The following SNED1 variants were observed in gnomAD, a reference collection of about 807,000 sequenced individuals.
The protein encoded by SNED1 is sushi, nidogen and EGF-like domain-containing protein 1.
In SNED1, 81 loss-of-function variants were observed where a neutral mutation model predicts 166.7. The ratio of observed to expected loss-of-function variants is 0.49; its 90% CI spans 0.41 to 0.58. SNED1 has a LOEUF of 0.58. Ranked by LOEUF, SNED1 falls within the 20% of genes least tolerant of loss-of-function variation. The probability of loss-of-function intolerance (pLI) is 0.00; values close to 1 mark genes in which losing one functional copy is unlikely to be tolerated. For missense variants in SNED1, 1,604 were observed against 2,000.2 expected, an observed-to-expected ratio of 0.80 and a Z score of 3.78; for synonymous variants, 762 against 822.0, an observed-to-expected ratio of 0.93 and a Z score of 1.25.
intron 3 of SNED1, among the ~76,000 whole-genome samples, 166 bp downstream of exon 3, chr2:241,034,041 C>G (rs1185218076): frequency 6.6e-6 from 1 of 152,204 alleles, no homozygotes; most frequent in African/African-American, 2.4e-5. Flanking sequence ...TCTCACTGCC[C>G]AAAAACAGAA....
chr2:241,076,810 G>T (rs1213124140), intron 27 of SNED1, among the ~76,000 whole-genome samples: 1 of 152,084 alleles, frequency 6.6e-6, no homozygotes, highest in African/African-American at 2.4e-5. Context: ...GAGAGTCCAG[G>T]GCCGGGCGCA....
rs1431655676 is a variant in SNED1, at chr2:241,016,540, G to T, written c.214-13744G>T. On this transcript the variant is annotated intron_variant, in intron 1 of 31. Transcript: ENST00000310397. ...TCTTTGTATATTGCTGAATCAGTTT[G>T]CTAATAATTCATTTAAGGTTTTAGC... 2.0e-5 allele frequency among the ~76,000 whole-genome samples: 3 copies of T among 152,244 alleles called. No homozygotes were observed. In the East Asian group the frequency reaches 5.8e-4, roughly 29 times the overall value.
intron 27 of SNED1, among the ~76,000 whole-genome samples, chr2:241,078,348 A>C (rs1475875447): frequency 6.7e-6 from 1 of 149,412 alleles, no homozygotes; most frequent in Non-Finnish European, 1.5e-5. Context: ...GCGCCACTGC[A>C]CTGCAGCCTG....
rs565240903 is a variant in SNED1, at chr2:241,007,305, C to T, written c.213+8255C>T. Among the ~76,000 whole-genome samples the T allele has an allele frequency of 1.2e-3, 188 of 152,354 alleles. 1 individual carries two copies. In the Middle Eastern group the frequency reaches 0.02, roughly 17 times the overall value. ...CAGAGAAGTGGCCAGCCGGCCAAAC[C>T]GCGTTCTCCCAGGCAGCTCCCCACA... On this transcript the variant is annotated intron_variant, in intron 1 of 31. Coordinates refer to ENST00000310397, the MANE Select transcript of SNED1 (RefSeq NM_001080437.3).
intron 18 of SNED1, 23 bp from the exon 19 acceptor site, chr2:241,063,988 GC>G: frequency 1.3e-6 from 2 of 1,518,418 alleles, no homozygotes; most frequent in Non-Finnish European, 8.9e-7. Context: ...TGCAGCTTGG[GC>G]CCACTCTCTG....
intron 6 of SNED1, 138 bp downstream of exon 6, chr2:241,037,491 G>A (rs1041777212): frequency 2.9e-5 from 18 of 630,108 alleles, no homozygotes; most frequent in Non-Finnish European, 4.2e-5. Context: ...AGCCACCCTC[G>A]AGGAGTGGAG....
intron 1 of SNED1, chr2:241,010,509 C>CAAGTCACT (rs2060358149): frequency 6.6e-6 from 1 of 152,534 alleles, no homozygotes; most frequent in Admixed American, 6.5e-5. Context: ...TCCAAGTCCC[C>CAAGTCACT]AAGTCACTGC....
rs1559296412 is a variant in SNED1 at position 241,071,811 on chromosome 2, G to A, written c.3750G>A (p.Val1250=). The change falls in exon 26 of 32, where the codon GTG becomes GTA. Residue 1250 remains valine, a synonymous_variant. Transcript: ENST00000310397. ...PTQPPRFSEL[V]DGRGRVSARF... is the part of the protein sequence containing the mutation. ...CTCTCTGCAGGTTCTCGGAGCTTGTGGACGGCAGAGGAAGAGTGAGCGCCA... is the reference window on the plus strand; with the variant it reads ...CTCTCTGCAGGTTCTCGGAGCTTGTAGACGGCAGAGGAAGAGTGAGCGCCA... 6.3e-7 allele frequency: 1 copy of A among 1,599,318 alleles called. No homozygotes were observed. The highest frequency in any genetic ancestry group is 8.5e-7 in the Non-Finnish European group (1 of 1,173,230).
chr2:241,012,359 G>A (rs2060435890), intron 1 of SNED1, among the ~76,000 whole-genome samples: 2 of 152,226 alleles, frequency 1.3e-5, no homozygotes, highest in Admixed American at 1.3e-4. Context: ...AAACCCTGGT[G>A]GGCCCACTGC....
intron 27 of SNED1, chr2:241,074,687 T>G (rs940727450): frequency 6.6e-6 from 1 of 152,186 alleles, no homozygotes; most frequent in South Asian, 2.1e-4. Flanking sequence ...ACATGAAAAG[T>G]AGACTCTTTA....
intron 8 of SNED1, among the ~76,000 whole-genome samples, chr2:241,048,038 C>A (rs921158915): frequency 2.6e-5 from 4 of 151,916 alleles, no homozygotes; most frequent in Non-Finnish European, 5.9e-5. Context: ...CTTGTTCTGT[C>A]CAATCCTGGG....
intron 8 of SNED1, among the ~76,000 whole-genome samples, chr2:241,045,552 A>C (rs2061623127): frequency 6.6e-6 from 1 of 151,960 alleles, no homozygotes; most frequent in Non-Finnish European, 1.5e-5. Context: ...GAGAAATGAT[A>C]ATCTTTTCAA....
rs373004128 is a variant in SNED1, at chr2:241,068,935, C to T, written c.3219C>T (p.Tyr1073=). ...GGGCCCTGCTGCCTGGGAAGAGGTA[C>T]ACCATCCAGCTGACCACCCTCAGTG... ...TFRALLPGKR[Y]TIQLTTLSGL... is the part of the protein sequence containing the mutation. Residue 1073 remains tyrosine, a synonymous_variant, in exon 23 of 32, where the codon TAC becomes TAT. Coordinates refer to ENST00000310397, the MANE Select transcript of SNED1 (RefSeq NM_001080437.3). This position sits in a 1 kb window ranked among gnomAD's most constrained non-coding sequence, Gnocchi z 5.3. The T allele has an allele frequency of 9.3e-5, 145 of 1,554,262 alleles. No homozygotes were observed. The highest frequency in any genetic ancestry group is 1.2e-4 in the Non-Finnish European group (135 of 1,148,978).
intron 6 of SNED1, among the ~76,000 whole-genome samples, chr2:241,039,568 C>T (rs75757373): frequency 1.1e-3 from 162 of 152,170 alleles, no homozygotes; most frequent in African/African-American, 3.7e-3. Flanking sequence ...CCCTAGCTCA[C>T]TCCCACTCAG....
At chr2:241,072,556 A>G (rs763132317) in intron 26 of SNED1, 2 of 303,254 alleles carry the variant, frequency 6.6e-6, no homozygotes, top group Non-Finnish European at 1.3e-5. Context: ...TTTAATGAAC[A>G]CGCTCTGAGC....
chr2:240,999,009 G>A lies in SNED1; in HGVS notation c.172G>A (p.Val58Met), dbSNP rs2059996696. 2.3e-6 allele frequency: 3 copies of A among 1,326,478 alleles called. No homozygotes were observed. Among genetic ancestry groups the A allele is most frequent in the South Asian group, 3.6e-5 (2 of 55,470 alleles). The allele number at this position is 1,326,478 out of a possible 1,614,324, so 82.2% of individuals were successfully genotyped here. A position where few individuals can be genotyped will look rare whatever the true frequency, so the allele number is the denominator to read the frequency against. The change falls in exon 1 of 32, where the codon GTG (valine) becomes ATG (methionine). Residue 58 changes from valine (V) to methionine (M), a missense_variant. Val to Met is a conservative substitution (Grantham distance 21, BLOSUM62 1). This residue lies in a region of SNED1 where 1,237 missense variants were observed against 1,620.8 expected (regional missense o/e 0.76). Transcript: ENST00000310397. The surrounding 1 kb of genome is among the most constrained non-coding windows in gnomAD (Gnocchi z 5.8). Reference sequence around the variant, plus strand: ...CGGCTCGGGGCTGCGGCCGCTCTCGGTGCCCTTCCCGTTCTTCGGTGCCGA... The same window carrying A: ...CGGCTCGGGGCTGCGGCCGCTCTCGATGCCCTTCCCGTTCTTCGGTGCCGA... ...DGGSGLRPLS[V>M]PFPFFGAEHS...
At chr2:241,059,586 A>T (rs2062168435) in intron 16 of SNED1, among the ~76,000 whole-genome samples, 1 of 152,238 alleles carries the variant, frequency 6.6e-6, no homozygotes. Context: ...TGATACAGTC[A>T]TGACCAAGTG....
At chr2:241,019,732 C>T (rs1042959671) in intron 1 of SNED1, among the ~76,000 whole-genome samples, 3 of 152,172 alleles carry the variant, frequency 2.0e-5, no homozygotes, top group Non-Finnish European at 4.4e-5. Flanking sequence ...GCACGAGCGG[C>T]CCAGGCTGTC....
chr2:241,057,384 T>A lies in SNED1; in HGVS notation c.2257+4058T>A, dbSNP rs892098274. Among the ~76,000 whole-genome samples the A allele has an allele frequency of 5.6e-4, 22 of 39,150 alleles. 1 individual carries two copies. The highest frequency in any genetic ancestry group is 1.9e-3 in the African/African-American group (22 of 11,492). 25.7% of individuals were successfully genotyped at this position (39,150 alleles called of 152,430 possible). A position where few individuals can be genotyped will look rare whatever the true frequency, so the allele number is the denominator to read the frequency against. On this transcript the variant is annotated intron_variant, in intron 16 of 31. Coordinates refer to ENST00000310397, the MANE Select transcript of SNED1 (RefSeq NM_001080437.3). ...ACGAGCAAAACTCCATCTCAAAATA[T>A]ATATATATATATATATATATATATA... is the stretch of plus-strand genomic sequence containing the variant.
Sources: gnomAD v4.1 joint callset for allele counts (sites outside exome capture counted in the v4.1 genomes callset) on GRCh38, gnomAD v4.1.1 for gene constraint, gnomAD v4.1.1 regional missense constraint, Gnocchi (gnomAD v3.1) non-coding constraint, MANE v1.5 for transcripts, NCBI Gene and HGNC (gene_info 2026-07-23, HGNC 2026-07-21) for gene names.